Variants in PCDH15 observed in about 807,000 individuals in gnomAD.
PCDH15 encodes the protein protocadherin related 15, also known as protocadherin-15.
In PCDH15, 129 loss-of-function variants were observed where a neutral mutation model predicts 178.5. The ratio of observed to expected loss-of-function variants is 0.72; its 90% CI spans 0.63 to 0.84. PCDH15 has a LOEUF of 0.84. Among genes scored for constraint, PCDH15 ranks in the 40% least tolerant of loss-of-function variants. PCDH15 has a pLI of 0.00. For missense variants in PCDH15, 2,230 were observed against 2,099.9 expected (o/e 1.06, Z -1.21); for synonymous variants, 800 against 732.0 (o/e 1.09, Z -1.50).
chr10:55,236,093 G>GTT (rs201948920), intron 1 of PCDH15, among the ~76,000 whole-genome samples: 2 of 151,360 alleles, frequency 1.3e-5, no homozygotes, highest in African/African-American at 4.9e-5. Flanking sequence ...CTGTCCTGCT[G>GTT]TTTTTTTTCT....
chr10:55,160,053 G>A (rs1404788693), intron 2 of PCDH15, among the ~76,000 whole-genome samples: 3 of 149,102 alleles, frequency 2.0e-5, no homozygotes, highest in Non-Finnish European at 4.5e-5. Flanking sequence ...CCCCATGAAA[G>A]AGAATAAAGC....
chr10:53,966,433 C>T (rs117672027), intron 21 of PCDH15, among the ~76,000 whole-genome samples: 14 of 152,134 alleles, frequency 9.2e-5, no homozygotes, highest in African/African-American at 3.1e-4. Context: ...CTTTCCCTTC[C>T]TCCCTCCTTT....
intron 2 of PCDH15, among the ~76,000 whole-genome samples, chr10:55,464,401 AG>A (rs1839784080): frequency 6.6e-6 from 1 of 152,046 alleles, no homozygotes; most frequent in Non-Finnish European, 1.5e-5. Context: ...GAGAACAATA[AG>A]GAAAACAATG....
At chr10:55,171,734 T>C (rs1049404097) in intron 1 of PCDH15, among the ~76,000 whole-genome samples, 4 of 152,108 alleles carry the variant, frequency 2.6e-5, no homozygotes, top group Admixed American at 2.0e-4. Context: ...CAATTTTATG[T>C]CAGAAGTTGA....
intron 1 of PCDH15, among the ~76,000 whole-genome samples, chr10:54,723,344 C>A (rs1013821837): frequency 6.6e-6 from 1 of 151,566 alleles, no homozygotes; most frequent in East Asian, 1.9e-4. Context: ...TGGCTAGCCA[C>A]GTGCAGAATA....
intron 10 of PCDH15, among the ~76,000 whole-genome samples, chr10:54,200,766 TG>T (rs947440034): frequency 2.0e-5 from 3 of 152,182 alleles, no homozygotes; most frequent in African/African-American, 7.2e-5. Context: ...TCTCGTTTGG[TG>T]GTTTCCCCTT....
intron 2 of PCDH15, among the ~76,000 whole-genome samples, chr10:55,520,131 G>A (rs566698669): frequency 4.2e-4 from 43 of 103,318 alleles, no homozygotes; most frequent in African/African-American, 1.3e-3. Context: ...ATATATACAC[G>A]CAATGTGTAT....
At chr10:54,703,467 T>C (rs1187195242) in intron 1 of PCDH15, among the ~76,000 whole-genome samples, 2 of 152,068 alleles carry the variant, frequency 1.3e-5, no homozygotes, top group Non-Finnish European at 2.9e-5. Context: ...TATGATTCTA[T>C]ATGTAGGAAA....
At chr10:55,291,497 C>G (rs150630263) in intron 1 of PCDH15, among the ~76,000 whole-genome samples, 2,267 of 152,112 alleles carry the variant, frequency 0.015, 25 homozygotes, top group Middle Eastern at 0.031. Context: ...TTTAAAAGAT[C>G]AACTGAAATG....
Position 54,613,848 on chromosome 10 carries a change from A to C in PCDH15, c.91+50324T>G, listed in dbSNP as rs146373531. On this transcript the variant is annotated intron_variant, in intron 2 of 37. Coordinates refer to ENST00000644397, the MANE Select transcript of PCDH15 (RefSeq NM_001384140.1). ...GGCACCCACGAGAAAACAATAATCC[A>C]AATTTGTTAGCTCCTCAACCTTGGA... Among the ~76,000 whole-genome samples the C allele has an allele frequency of 6.5e-3, 982 of 151,928 alleles. 10 individuals are homozygous for C. Among genetic ancestry groups the C allele is most frequent in the African/African-American group, 0.023 (947 of 41,518 alleles).
chr10:53,930,876 T>C (rs539083762), intron 25 of PCDH15, among the ~76,000 whole-genome samples: 1 of 152,208 alleles, frequency 6.6e-6, no homozygotes, highest in Non-Finnish European at 1.5e-5. Flanking sequence ...GTTTTCTCAG[T>C]AATTGGCTTT....
chr10:54,743,407 G>T (rs1945056827), intron 1 of PCDH15, among the ~76,000 whole-genome samples: 2 of 151,892 alleles, frequency 1.3e-5, no homozygotes, highest in Non-Finnish European at 2.9e-5. Flanking sequence ...TTAACTATAT[G>T]ACTCCTTCAT....
chr10:53,814,931 T>A (rs962729135), intron 35 of PCDH15, among the ~76,000 whole-genome samples: 1 of 142,902 alleles, frequency 7.0e-6, no homozygotes, highest in Non-Finnish European at 1.5e-5. Flanking sequence ...GCCACTGCAC[T>A]CCAGCCTGGC....
chr10:55,116,782 C>T (rs890773315), intron 2 of PCDH15, among the ~76,000 whole-genome samples: 1 of 152,130 alleles, frequency 6.6e-6, no homozygotes, highest in Non-Finnish European at 1.5e-5. Flanking sequence ...CTTCTCCATC[C>T]CTTGTCCTCT....
At chr10:55,041,242 C>T (rs1371474962) in intron 2 of PCDH15, among the ~76,000 whole-genome samples, 1 of 151,944 alleles carries the variant, frequency 6.6e-6, no homozygotes, top group African/African-American at 2.4e-5. Flanking sequence ...GGCAAAAATG[C>T]AAGTAGTCAC....
At chr10:55,159,423 A>G (rs1262756139) in intron 2 of PCDH15, among the ~76,000 whole-genome samples, 1 of 149,344 alleles carries the variant, frequency 6.7e-6, no homozygotes, top group Non-Finnish European at 1.5e-5. Flanking sequence ...ATAAAGATAT[A>G]TATCTATATC....
intron 9 of PCDH15, among the ~76,000 whole-genome samples, chr10:54,220,003 ACTAT>A (rs2052604678): frequency 6.6e-6 from 1 of 152,274 alleles, no homozygotes; most frequent in Non-Finnish European, 1.5e-5. Context: ...GATTTTATTT[ACTAT>A]CTCTTATTTT....
intron 8 of PCDH15, among the ~76,000 whole-genome samples, chr10:54,284,792 T>A (rs1222812374): frequency 6.6e-6 from 1 of 152,172 alleles, no homozygotes; most frequent in Non-Finnish European, 1.5e-5. Flanking sequence ...TGAAGCATTA[T>A]CTAAGACCCT....
chr10:55,188,298 A>T (rs1483474948), intron 1 of PCDH15, among the ~76,000 whole-genome samples: 3 of 151,794 alleles, frequency 2.0e-5, no homozygotes, highest in African/African-American at 4.8e-5. Flanking sequence ...TTTTTTTTTA[A>T]GACAATAATC....
Sources: gnomAD v4.1 joint callset for allele counts (sites outside exome capture counted in the v4.1 genomes callset) on GRCh38, gnomAD v4.1.1 for gene constraint, MANE v1.5 for transcripts, NCBI Gene and HGNC (gene_info 2026-07-23, HGNC 2026-07-21) for gene names.